Variants in FSTL4 observed in about 807,000 individuals in gnomAD.
FSTL4 encodes follistatin like 4, also known as follistatin-related protein 4.
A neutral mutation model predicts 78.2 loss-of-function variants in FSTL4; 28 were observed. That is an observed-to-expected ratio of 0.36 (90% confidence interval 0.27 to 0.49). FSTL4 has a LOEUF of 0.49. Among genes scored for constraint, FSTL4 ranks in the 20% least tolerant of loss-of-function variants. The probability of loss-of-function intolerance (pLI) is 0.98; values close to 1 mark genes in which losing one functional copy is unlikely to be tolerated. For synonymous variants in FSTL4, 422 were observed against 440.5 expected, an observed-to-expected ratio of 0.96 and a Z score of 0.53; for missense variants, 922 against 1,084.9, an observed-to-expected ratio of 0.85 and a Z score of 2.11.
intron 3 of FSTL4, among the ~76,000 whole-genome samples, chr5:133,475,438 C>A (rs1019992718): frequency 2.8e-4 from 42 of 152,234 alleles, no homozygotes; most frequent in Non-Finnish European, 4.3e-4. Context: ...GTGCCTCCCC[C>A]TCCCCTGCCA....
chr5:133,648,888 A>G, the FSTL4 span, among the ~76,000 whole-genome samples: 1 of 152,178 alleles, frequency 6.6e-6, no homozygotes, highest in South Asian at 2.1e-4. Flanking sequence ...ATGTGTGTCT[A>G]TAGTTCACAT....
Position 133,225,383 on chromosome 5 carries a change from G to T in FSTL4, c.1178-99C>A. ...GAGTGTTAGGGCTGCCCAGCCCCTGGGCAGCCAGCAGCCCTGATTATACGC... is the reference window on the plus strand; with the variant it reads ...GAGTGTTAGGGCTGCCCAGCCCCTGTGCAGCCAGCAGCCCTGATTATACGC... On this transcript the variant is annotated intron_variant, in intron 9 of 15. Coordinates refer to ENST00000265342, the MANE Select transcript of FSTL4 (RefSeq NM_015082.2). The surrounding 1 kb of genome is among the most constrained non-coding windows in gnomAD (Gnocchi z 4.6). The T allele has an allele frequency of 6.9e-7, 1 of 1,440,116 alleles. No homozygotes were observed. The highest frequency in any genetic ancestry group is 9.6e-7 in the Non-Finnish European group (1 of 1,040,150). 89.2% of individuals were successfully genotyped at this position (1,440,116 alleles called of 1,614,324 possible). A position where few individuals can be genotyped will look rare whatever the true frequency, so the allele number is the denominator to read the frequency against.
At chr5:133,672,851 A>G in the FSTL4 span, among the ~76,000 whole-genome samples, 1 of 152,240 alleles carries the variant, frequency 6.6e-6, no homozygotes, top group Non-Finnish European at 1.5e-5. Flanking sequence ...TATTTTGCCA[A>G]GGTTGACTAT....
At chr5:133,634,121 C>A in the FSTL4 span, among the ~76,000 whole-genome samples, 1 of 152,146 alleles carries the variant, frequency 6.6e-6, no homozygotes, top group Non-Finnish European at 1.5e-5. Context: ...AGGGTGCCTT[C>A]TTCCTGCTGG....
At chr5:133,243,369 A>C (rs967142668) in intron 7 of FSTL4, among the ~76,000 whole-genome samples, 15 of 152,194 alleles carry the variant, frequency 9.9e-5, no homozygotes, top group African/African-American at 3.6e-4. Flanking sequence ...TCTCCCTGAG[A>C]ATATCCTGGC....
chr5:133,770,199 A>T, the FSTL4 span, among the ~76,000 whole-genome samples: 1 of 152,120 alleles, frequency 6.6e-6, no homozygotes, highest in Non-Finnish European at 1.5e-5. Flanking sequence ...TAAACATATG[A>T]GTGCAGGTAT....
At chr5:133,445,699 C>T (rs1432681808) in intron 3 of FSTL4, among the ~76,000 whole-genome samples, 2 of 152,194 alleles carry the variant, frequency 1.3e-5, no homozygotes, top group Admixed American at 1.3e-4. Flanking sequence ...CGGGGGCTTT[C>T]TTCCCCAAAA....
intron 8 of FSTL4, among the ~76,000 whole-genome samples, chr5:133,232,822 T>A (rs1751535083): frequency 6.6e-6 from 1 of 152,188 alleles, no homozygotes; most frequent in African/African-American, 2.4e-5. Context: ...CTGGCTACTG[T>A]CATCAGGAGG....
intron 3 of FSTL4, among the ~76,000 whole-genome samples, chr5:133,477,259 A>G (rs1008077587): frequency 1.3e-5 from 2 of 152,260 alleles, no homozygotes; most frequent in African/African-American, 4.8e-5. Context: ...TAGTTGGCTT[A>G]TACAAATACT....
intron 3 of FSTL4, among the ~76,000 whole-genome samples, chr5:133,448,763 T>G (rs1757322275): frequency 6.6e-6 from 1 of 151,592 alleles, no homozygotes; most frequent in Non-Finnish European, 1.5e-5. Context: ...GCTCAGAATT[T>G]TCCGCCTTTT....
At chr5:133,786,818 G>A in the FSTL4 span, among the ~76,000 whole-genome samples, 1 of 152,212 alleles carries the variant, frequency 6.6e-6, no homozygotes, top group East Asian at 1.9e-4. Context: ...GCTCTATCCA[G>A]ACTGTTAAGT....
intron 3 of FSTL4, among the ~76,000 whole-genome samples, chr5:133,421,915 A>C (rs1756704883): frequency 6.6e-6 from 1 of 152,180 alleles, no homozygotes; most frequent in South Asian, 2.1e-4. Flanking sequence ...GGGAAGTGAT[A>C]AGTACCATGA....
chr5:133,599,663 C>T (rs1042785265), intron 2 of FSTL4, among the ~76,000 whole-genome samples: 3 of 151,384 alleles, frequency 2.0e-5, no homozygotes, highest in South Asian at 2.1e-4. Context: ...GACCATGTAA[C>T]GCCCACCATT....
chr5:133,242,131 T>C (rs1751893526), intron 7 of FSTL4, among the ~76,000 whole-genome samples: 1 of 151,714 alleles, frequency 6.6e-6, no homozygotes, highest in South Asian at 2.1e-4. Context: ...TGCAAAGAGG[T>C]GGGTATAAGG....
chr5:133,627,414 A>G, the FSTL4 span, among the ~76,000 whole-genome samples: 4 of 152,152 alleles, frequency 2.6e-5, no homozygotes, highest in African/African-American at 9.7e-5. Flanking sequence ...TACTCATACC[A>G]TAAGAACAGT....
At chr5:133,582,871 C>T (rs1760451832) in intron 2 of FSTL4, among the ~76,000 whole-genome samples, 1 of 152,114 alleles carries the variant, frequency 6.6e-6, no homozygotes, top group African/African-American at 2.4e-5. Flanking sequence ...TTTGAGATGC[C>T]CTCCTCTCCT....
chr5:133,292,096 G>T (rs1239879809), intron 6 of FSTL4, among the ~76,000 whole-genome samples: 1 of 152,306 alleles, frequency 6.6e-6, no homozygotes, highest in Non-Finnish European at 1.5e-5. Context: ...AGAGAGAGGG[G>T]AGTGGCAGAC....
intron 4 of FSTL4, among the ~76,000 whole-genome samples, chr5:133,384,925 A>G (rs1193318575): frequency 2.6e-5 from 4 of 152,014 alleles, no homozygotes; most frequent in Non-Finnish European, 5.9e-5. Flanking sequence ...TTCATATCCT[A>G]ACCCTTGGCC....
chr5:133,823,434 C>T, the FSTL4 span, among the ~76,000 whole-genome samples: 1 of 152,280 alleles, frequency 6.6e-6, no homozygotes, highest in African/African-American at 2.4e-5. Flanking sequence ...GTTTGGGCCC[C>T]CTTGGACAGA....
Sources: gnomAD v4.1 joint callset for allele counts (sites outside exome capture counted in the v4.1 genomes callset) on GRCh38, gnomAD v4.1.1 for gene constraint, Gnocchi (gnomAD v3.1) non-coding constraint, MANE v1.5 for transcripts, NCBI Gene and HGNC (gene_info 2026-07-23, HGNC 2026-07-21) for gene names.